HS3ST4: variants seen among roughly 807,000 people sequenced by gnomAD.
The protein encoded by HS3ST4 is heparan sulfate-glucosamine 3-sulfotransferase 4.
Under a neutral mutation model 29.2 loss-of-function variants are expected in HS3ST4, and 17 were observed. That is an observed-to-expected ratio of 0.58 (90% CI 0.40 to 0.87). The LOEUF (loss-of-function observed/expected upper bound fraction) is 0.87. Among genes scored for constraint, HS3ST4 ranks in the 40% least tolerant of loss-of-function variants. The pLI, the probability that HS3ST4 is intolerant of heterozygous loss-of-function variation, is 0.00. For missense variants in HS3ST4, 627 were observed against 634.5 expected (o/e 0.99, Z 0.13); for synonymous variants, 314 against 285.7 (o/e 1.10, Z -1.00).
intron 1 of HS3ST4, among the ~76,000 whole-genome samples, chr16:25,887,439 C>T (rs979537720): frequency 2.6e-5 from 4 of 152,018 alleles, no homozygotes; most frequent in African/African-American, 7.2e-5. Flanking sequence ...TATTTTAACC[C>T]CCACCCTCTT....
intron 1 of HS3ST4, among the ~76,000 whole-genome samples, chr16:26,057,818 G>A (rs750305937): frequency 1.3e-5 from 2 of 149,984 alleles, no homozygotes; most frequent in East Asian, 1.9e-4. Context: ...TGTGGGGGTC[G>A]TGCAGGTAGA....
intron 1 of HS3ST4, among the ~76,000 whole-genome samples, chr16:26,119,687 CCTTCT>C (rs1339988051): frequency 2.0e-5 from 3 of 152,168 alleles, no homozygotes; most frequent in African/African-American, 7.2e-5. Flanking sequence ...CTTTCTTTCT[CCTTCT>C]CTTCTTTTCT....
intron 1 of HS3ST4, among the ~76,000 whole-genome samples, chr16:25,723,777 A>T (rs964349596): frequency 6.6e-6 from 1 of 152,046 alleles, no homozygotes; most frequent in East Asian, 1.9e-4. Context: ...CTTTATATTT[A>T]TGTCTTGTCT....
intron 1 of HS3ST4, among the ~76,000 whole-genome samples, chr16:25,917,495 G>A (rs530538007): frequency 6.6e-6 from 1 of 152,348 alleles, no homozygotes; most frequent in East Asian, 1.9e-4. Flanking sequence ...ATAGGCCTGA[G>A]CCACTGTGCC....
At chr16:25,900,181 G>A (rs547838789) in intron 1 of HS3ST4, among the ~76,000 whole-genome samples, 6 of 147,608 alleles carry the variant, frequency 4.1e-5, no homozygotes, top group South Asian at 2.2e-4. Context: ...AATAGGGTAC[G>A]TGGTAGTATT....
At chr16:25,814,920 A>G (rs982313833) in intron 1 of HS3ST4, among the ~76,000 whole-genome samples, 8 of 152,302 alleles carry the variant, frequency 5.3e-5, no homozygotes, top group African/African-American at 1.7e-4. Context: ...GGTTGGTGCA[A>G]AGGCCAGCCT....
chr16:25,715,572 A>G (rs917641833), intron 1 of HS3ST4, among the ~76,000 whole-genome samples: 1 of 152,240 alleles, frequency 6.6e-6, no homozygotes. Context: ...AAGGGAAAAA[A>G]AGCAAATACT....
At chr16:26,005,766 G>A (rs1178380743) in intron 1 of HS3ST4, among the ~76,000 whole-genome samples, 1 of 151,574 alleles carries the variant, frequency 6.6e-6, no homozygotes, top group East Asian at 1.9e-4. Flanking sequence ...GCAGAGATCA[G>A]AGCTTGAGAG....
At position 26,136,295 on chromosome 16, in the gene HS3ST4, T is replaced by G; in HGVS notation, c.*47T>G. 1.2e-4 allele frequency: 183 copies of G among 1,505,912 alleles called. No homozygotes were observed. The highest frequency in any genetic ancestry group is 1.4e-4 in the Non-Finnish European group (159 of 1,117,120). The allele number at this position is 1,505,912 out of a possible 1,614,324, so 93.3% of individuals were successfully genotyped here. A position where few individuals can be genotyped will look rare whatever the true frequency, so the allele number is the denominator to read the frequency against. On this transcript the variant is annotated 3_prime_UTR_variant, in exon 2 of 2. Transcript: ENST00000331351. ...CTAGTCAATAAGCTAAGGAGGCTCC[T>G]TGCCTGAGTCCTTGAATACCCCAGC...
intron 1 of HS3ST4, among the ~76,000 whole-genome samples, chr16:25,986,507 C>T (rs1202920699): frequency 6.6e-6 from 1 of 152,214 alleles, no homozygotes; most frequent in African/African-American, 2.4e-5. Context: ...GTGTCCAGTC[C>T]TCTGCTAGCT....
intron 1 of HS3ST4, among the ~76,000 whole-genome samples, chr16:25,814,143 G>C (rs1343256935): frequency 1.3e-5 from 2 of 152,152 alleles, no homozygotes; most frequent in Non-Finnish European, 2.9e-5. Context: ...TCTATATCTT[G>C]TTTTCAGTGG....
chr16:25,790,920 C>G lies in HS3ST4; in HGVS notation c.734+97769C>G, dbSNP rs144741314. Among the ~76,000 whole-genome samples the G allele has an allele frequency of 5.3e-5, 8 of 152,172 alleles. No individual in the cohort carries two copies. In the East Asian group the frequency reaches 1.5e-3, roughly 29 times the overall value. ...TTTATATAGCCTAGTTAATCAATAT[C>G]TTTCTTTATAGTAAGAGATTTTTCA... is the stretch of plus-strand genomic sequence containing the variant. On this transcript the variant is annotated intron_variant, in intron 1 of 1. Coordinates refer to ENST00000331351, the MANE Select transcript of HS3ST4 (RefSeq NM_006040.3).
intron 1 of HS3ST4, among the ~76,000 whole-genome samples, chr16:25,887,691 ATTTTTTT>A (rs768447504): frequency 1.1e-5 from 1 of 91,516 alleles, no homozygotes; most frequent in South Asian, 3.7e-4. Context: ...GCTACACCTG[ATTTTTTT>A]TTTTTTTTTT....
Position 25,867,520 on chromosome 16 carries a change from C to T in HS3ST4, c.734+174369C>T, listed in dbSNP as rs566490155. ...ACCAAATTCCTGCTGCAATGCCATC[C>T]ATCTGTTTTAAAGTTGTATATCCTT... is the stretch of plus-strand genomic sequence containing the variant. On this transcript the variant is annotated intron_variant, in intron 1 of 1. Transcript: ENST00000331351. Among the ~76,000 whole-genome samples the T allele has an allele frequency of 3.3e-5, 5 of 152,228 alleles. No homozygotes were observed. In the South Asian group the frequency reaches 1.0e-3, roughly 32 times the overall value.
chr16:26,067,688 A>G (rs1898558003), intron 1 of HS3ST4, among the ~76,000 whole-genome samples: 1 of 152,172 alleles, frequency 6.6e-6, no homozygotes, highest in African/African-American at 2.4e-5. Flanking sequence ...CATCCCTGAT[A>G]TGGTTTGGCT....
At chr16:25,897,601 A>G (rs1014903807) in intron 1 of HS3ST4, among the ~76,000 whole-genome samples, 3 of 152,066 alleles carry the variant, frequency 2.0e-5, no homozygotes, top group Admixed American at 6.5e-5. Flanking sequence ...TGGCCTCTTT[A>G]CAGAACTGTG....
intron 1 of HS3ST4, among the ~76,000 whole-genome samples, chr16:25,958,005 A>T (rs1227487148): frequency 1.3e-5 from 2 of 152,118 alleles, no homozygotes; most frequent in East Asian, 3.9e-4. Flanking sequence ...TGTGTGTGCT[A>T]CGGGTCAGGC....
chr16:25,938,770 A>T (rs1399600217), intron 1 of HS3ST4, among the ~76,000 whole-genome samples: 1 of 152,112 alleles, frequency 6.6e-6, no homozygotes, highest in Non-Finnish European at 1.5e-5. Flanking sequence ...CTTAAATATC[A>T]CATTATCAGG....
chr16:26,107,508 T>A (rs1899073725), intron 1 of HS3ST4, among the ~76,000 whole-genome samples: 1 of 152,186 alleles, frequency 6.6e-6, no homozygotes, highest in Non-Finnish European at 1.5e-5. Context: ...GTGTATATTG[T>A]AGCCAAAATA....
Sources: allele counts gnomAD v4.1 joint callset (sites outside exome capture counted in the v4.1 genomes callset), GRCh38; gene constraint gnomAD v4.1.1; transcripts MANE v1.5; gene names NCBI Gene and HGNC (gene_info 2026-07-23, HGNC 2026-07-21).